RHPN2: variants seen among roughly 807,000 people sequenced by gnomAD.
RHPN2 encodes the protein rhophilin-2.
In RHPN2, 40 loss-of-function variants were observed where a neutral mutation model predicts 79.0. The ratio of observed to expected loss-of-function variants is 0.51; its 90% CI spans 0.39 to 0.66. The LOEUF is 0.66. Ranked by LOEUF, RHPN2 falls within the 30% of genes least tolerant of loss-of-function variation. RHPN2 has a pLI of 0.00. For synonymous variants in RHPN2, 285 were observed against 363.5 expected (o/e 0.78, Z 2.46); for missense variants, 686 against 883.5 (o/e 0.78, Z 2.83).
chr19:33,064,755 T>TGGCG, intron 1 of RHPN2, 29 bp downstream of exon 1: 4 of 1,427,944 alleles, frequency 2.8e-6, no homozygotes, highest in Non-Finnish European at 3.8e-6. Flanking sequence ...AGCCCGCAGG[T>TGGCG]CCCCGCCCGC....
At chr19:33,036,743 G>A (rs983782663) in intron 2 of RHPN2, among the ~76,000 whole-genome samples, 16 of 152,298 alleles carry the variant, frequency 1.1e-4, no homozygotes, top group Admixed American at 2.6e-4. Flanking sequence ...GCCGACGTCC[G>A]GCCCGCTGGC....
At chr19:33,011,098 T>C (rs1462421829) in intron 6 of RHPN2, among the ~76,000 whole-genome samples, 1 of 152,122 alleles carries the variant, frequency 6.6e-6, no homozygotes, top group African/African-American at 2.4e-5. Context: ...AATCAAATGC[T>C]CTACTTCCTT....
chr19:33,013,136 A>G (rs1480718585), intron 4 of RHPN2, among the ~76,000 whole-genome samples: 10 of 151,500 alleles, frequency 6.6e-5, no homozygotes, highest in Admixed American at 6.6e-4. Context: ...TCGCCCTCCC[A>G]AAGTGCTGGG....
At chr19:33,021,692 C>A (rs1262841615) in intron 3 of RHPN2, 46 bp from the exon 4 acceptor site, 1 of 1,458,250 alleles carries the variant, frequency 6.9e-7, no homozygotes, top group Non-Finnish European at 9.6e-7. Flanking sequence ...CCAACCGGAC[C>A]CCTGTGCACC....
At chr19:32,985,576 C>T (rs1908179703) in intron 14 of RHPN2, among the ~76,000 whole-genome samples, 1 of 152,120 alleles carries the variant, frequency 6.6e-6, no homozygotes, top group Non-Finnish European at 1.5e-5. Flanking sequence ...GTCAAGGCCA[C>T]AGTGAACCGA....
At chr19:33,003,612 T>C (rs1259477766) in intron 7 of RHPN2, among the ~76,000 whole-genome samples, 1 of 151,832 alleles carries the variant, frequency 6.6e-6, no homozygotes, top group Non-Finnish European at 1.5e-5. Flanking sequence ...TTAAACACAA[T>C]GTGGCCTATC....
At chr19:32,994,730 G>A (rs1010732901) in intron 11 of RHPN2, among the ~76,000 whole-genome samples, 39 of 152,064 alleles carry the variant, frequency 2.6e-4, no homozygotes, top group African/African-American at 8.9e-4. Context: ...GGGAGGCCAC[G>A]GTGGGAGGAT....
At chr19:33,034,380 C>A (rs1185159081) in intron 2 of RHPN2, among the ~76,000 whole-genome samples, 1 of 151,528 alleles carries the variant, frequency 6.6e-6, no homozygotes, top group African/African-American at 2.4e-5. Context: ...CCGAGGTGGG[C>A]AGATCACGAG....
chr19:33,005,623 A>AAAAAG (rs1555711351), intron 7 of RHPN2, among the ~76,000 whole-genome samples: 6 of 143,066 alleles, frequency 4.2e-5, no homozygotes, highest in Non-Finnish European at 4.5e-5. Context: ...AAAAAAAAAA[A>AAAAAG]AAGCCCTGCC....
intron 2 of RHPN2, among the ~76,000 whole-genome samples, chr19:33,040,921 C>T (rs1437344282): frequency 6.6e-6 from 1 of 152,096 alleles, no homozygotes; most frequent in African/African-American, 2.4e-5. Context: ...CTCGACACTG[C>T]ACTCCATCCT....
At chr19:33,060,262 C>G (rs2145275492) in intron 1 of RHPN2, among the ~76,000 whole-genome samples, 1 of 152,092 alleles carries the variant, frequency 6.6e-6, no homozygotes, top group East Asian at 1.9e-4. Flanking sequence ...CCTGCTGCCT[C>G]AGCCTCCTGA....
At chr19:33,059,766 C>A (rs1972264615) in intron 1 of RHPN2, among the ~76,000 whole-genome samples, 2 of 152,140 alleles carry the variant, frequency 1.3e-5, no homozygotes, top group East Asian at 3.8e-4. Context: ...TTCCTAACGA[C>A]TCCTAAAGAA....
intron 14 of RHPN2, among the ~76,000 whole-genome samples, chr19:32,990,086 C>G (rs1229577568): frequency 2.1e-5 from 3 of 145,420 alleles, no homozygotes; most frequent in Admixed American, 6.9e-5. Flanking sequence ...GCCTGGGTGA[C>G]AGAGCGAGAC....
At chr19:32,981,080 C>G (rs1971570256) in intron 14 of RHPN2, among the ~76,000 whole-genome samples, 1 of 152,102 alleles carries the variant, frequency 6.6e-6, no homozygotes, top group African/African-American at 2.4e-5. Context: ...CCGTCTTGGC[C>G]TCCCAAAGTG....
chr19:32,991,131 G>A (rs1294326673), intron 13 of RHPN2, among the ~76,000 whole-genome samples: 1 of 151,940 alleles, frequency 6.6e-6, no homozygotes, highest in African/African-American at 2.4e-5. Context: ...AGACCAGCCT[G>A]GCCAACATGG....
intron 4 of RHPN2, 45 bp from the exon 5 acceptor site, chr19:33,012,769 C>G (rs1176341969): frequency 2.7e-6 from 3 of 1,092,668 alleles, no homozygotes; most frequent in Non-Finnish European, 4.3e-6. Context: ...TGGCTGAAAA[C>G]CATATGTGTG....
In RHPN2 at chr19:32,994,021, G is replaced by A; in HGVS notation, c.1453C>T (p.Pro485Ser). The part of the protein sequence containing the change: ...KTEQEVDIIL[P>S]QFSKLTVTDF... ...GTGACTGTCAGCTTGGAGAACTGGGGCAATATAATGTCAACCTCTTGCTCA... is the reference window on the plus strand; with the variant it reads ...GTGACTGTCAGCTTGGAGAACTGGGACAATATAATGTCAACCTCTTGCTCA... The change falls in exon 12 of 15, where the codon CCC (proline) becomes TCC (serine). Residue 485 changes from proline (P) to serine (S), a missense_variant. Pro to Ser is a moderately conservative substitution (Grantham distance 74, BLOSUM62 -1). Coordinates refer to ENST00000254260, the MANE Select transcript of RHPN2 (RefSeq NM_033103.5). The A allele has an allele frequency of 6.2e-7, 1 of 1,613,104 alleles. No individual in the cohort carries two copies. Among genetic ancestry groups the A allele is most frequent in the South Asian group, 1.1e-5 (1 of 91,066 alleles).
chr19:33,000,209 C>T (rs947579575), intron 9 of RHPN2, among the ~76,000 whole-genome samples: 2 of 138,678 alleles, frequency 1.4e-5, no homozygotes, highest in African/African-American at 5.6e-5. Flanking sequence ...AGTCACACTC[C>T]AGAGGTTCAT....
chr19:33,022,969 G>A (rs945297946), intron 3 of RHPN2, among the ~76,000 whole-genome samples: 6 of 152,128 alleles, frequency 3.9e-5, no homozygotes, highest in African/African-American at 1.4e-4. Flanking sequence ...AGTGTCCTGA[G>A]TCCCAGCTCC....
Sources: gnomAD v4.1 joint callset for allele counts (sites outside exome capture counted in the v4.1 genomes callset) on GRCh38, gnomAD v4.1.1 for gene constraint, MANE v1.5 for transcripts, NCBI Gene and HGNC (gene_info 2026-07-23, HGNC 2026-07-21) for gene names.